STK32A: variants seen among roughly 807,000 people sequenced by gnomAD.
The protein encoded by STK32A is serine/threonine kinase 32A, also known as serine/threonine-protein kinase 32A.
A neutral mutation model predicts 53.2 loss-of-function variants in STK32A; 41 were observed. The observed-to-expected ratio is 0.77, with a 90% CI of 0.60 to 1.00. The LOEUF (loss-of-function observed/expected upper bound fraction) is 1.00, where lower values mean the gene tolerates loss of function less well. Among genes scored for constraint, STK32A ranks in the 50% least tolerant of loss-of-function variants. STK32A has a pLI of 0.00. For missense variants in STK32A, 458 were observed against 485.8 expected (o/e 0.94, Z 0.54); for synonymous variants, 166 against 162.8 (o/e 1.02, Z -0.15).
chr5:147,331,368 C>T (rs768847120), intron 5 of STK32A, among the ~76,000 whole-genome samples: 4 of 152,054 alleles, frequency 2.6e-5, no homozygotes, highest in Non-Finnish European at 4.4e-5. Flanking sequence ...AAGCAACTTG[C>T]CAATATACAG....
At chr5:147,375,276 C>G (rs10515585) in intron 11 of STK32A, 58 bp downstream of exon 11, 373,799 of 1,566,342 alleles carry the variant, frequency 0.24, 49,322 homozygotes, top group East Asian at 0.57. Context: ...GCTGCAATAT[C>G]TTCGAGAGCT....
chr5:147,392,271 T>C (rs1414173131), downstream of STK32A: 2 of 152,326 alleles, frequency 1.3e-5, no homozygotes, highest in South Asian at 2.1e-4. Flanking sequence ...TTCCCTATTC[T>C]AAGGGGAAAT....
At chr5:147,346,384 A>G (rs1561736918) in intron 6 of STK32A, among the ~76,000 whole-genome samples, 1 of 152,196 alleles carries the variant, frequency 6.6e-6, no homozygotes. Flanking sequence ...CCTACAAGTG[A>G]GCTGTGTATC....
chr5:147,243,608 G>C (rs1753665105), intron 2 of STK32A, among the ~76,000 whole-genome samples: 1 of 152,104 alleles, frequency 6.6e-6, no homozygotes, highest in Non-Finnish European at 1.5e-5. Context: ...GGGCATGCCA[G>C]TGTGCGCCTG....
chr5:147,343,738 T>C (rs1755553025), intron 6 of STK32A, among the ~76,000 whole-genome samples: 1 of 152,244 alleles, frequency 6.6e-6, no homozygotes, highest in Non-Finnish European at 1.5e-5. Context: ...TTGTCTATGC[T>C]GGCACATAAC....
chr5:147,243,684 T>C (rs1753668014), intron 2 of STK32A, among the ~76,000 whole-genome samples: 1 of 147,570 alleles, frequency 6.8e-6, no homozygotes, highest in African/African-American at 2.5e-5. Flanking sequence ...AAGTTTGCAG[T>C]GAGCTGAGAT....
intron 8 of STK32A, among the ~76,000 whole-genome samples, chr5:147,362,573 T>C (rs1016035876): frequency 1.3e-5 from 2 of 152,196 alleles, no homozygotes; most frequent in African/African-American, 4.8e-5. Context: ...AAACATTCAG[T>C]CCATGACATT....
intron 8 of STK32A, among the ~76,000 whole-genome samples, chr5:147,369,363 C>G (rs1362817056): frequency 6.6e-6 from 1 of 152,110 alleles, no homozygotes; most frequent in Non-Finnish European, 1.5e-5. Context: ...ACTCATTTTG[C>G]TGTTCACTAT....
intron 2 of STK32A, among the ~76,000 whole-genome samples, chr5:147,240,924 G>T (rs1341440255): frequency 6.6e-6 from 1 of 152,200 alleles, no homozygotes; most frequent in African/African-American, 2.4e-5. Context: ...AAGGTGGAAA[G>T]TAGGAGAGGT....
intron 7 of STK32A, among the ~76,000 whole-genome samples, chr5:147,357,218 C>T (rs1354805757): frequency 6.6e-6 from 1 of 152,082 alleles, no homozygotes. Flanking sequence ...GATTTCTGTT[C>T]TGAAAATTCA....
chr5:147,281,583 C>T (rs1038232809), intron 4 of STK32A, among the ~76,000 whole-genome samples: 4 of 151,610 alleles, frequency 2.6e-5, no homozygotes, highest in African/African-American at 9.7e-5. Flanking sequence ...AAAATATAAA[C>T]AAAACTCCCA....
intron 9 of STK32A, 41 bp downstream of exon 9, chr5:147,370,811 G>A: frequency 1.5e-6 from 2 of 1,325,882 alleles, no homozygotes; most frequent in Non-Finnish European, 2.2e-6. Context: ...GTAACAAAAG[G>A]AAGCAGGCTC....
intron 10 of STK32A, 68 bp downstream of exon 10, chr5:147,373,362 A>G: frequency 4.4e-6 from 7 of 1,580,000 alleles, no homozygotes; most frequent in Non-Finnish European, 6.0e-6. Flanking sequence ...CCAGATTCAC[A>G]CATTGTCTCA....
intron 2 of STK32A, among the ~76,000 whole-genome samples, chr5:147,262,588 AAAAACAAAAC>A (rs1219943996): frequency 2.3e-5 from 2 of 85,114 alleles, no homozygotes; most frequent in Admixed American, 1.5e-4. Context: ...CAGATCAGGA[AAAAACAAAAC>A]AAAACAAAAA....
intron 4 of STK32A, among the ~76,000 whole-genome samples, chr5:147,287,749 C>G (rs920014828): frequency 6.6e-6 from 1 of 152,122 alleles, no homozygotes; most frequent in Non-Finnish European, 1.5e-5. Flanking sequence ...ATCAAATTGC[C>G]TTTCTTCCCC....
intron 4 of STK32A, among the ~76,000 whole-genome samples, chr5:147,319,309 A>AT (rs1369074951): frequency 6.6e-6 from 1 of 151,426 alleles, no homozygotes; most frequent in Non-Finnish European, 1.5e-5. Context: ...CCCCCGGCTA[A>AT]TTTTTTGTAT....
intron 6 of STK32A, among the ~76,000 whole-genome samples, chr5:147,347,879 A>G (rs930586625): frequency 1.3e-5 from 2 of 152,192 alleles, no homozygotes; most frequent in Non-Finnish European, 2.9e-5. Flanking sequence ...GCACTCTGTG[A>G]AGTTCTGCCT....
chr5:147,335,130 G>A (rs72831382), intron 5 of STK32A, among the ~76,000 whole-genome samples: 20,260 of 152,088 alleles, frequency 0.13, 1,565 homozygotes, highest in East Asian at 0.28. Context: ...ACAGTTGACT[G>A]TGGGTAAAAA....
chr5:147,281,119 G>A (rs1050066354), intron 4 of STK32A, among the ~76,000 whole-genome samples: 15 of 152,274 alleles, frequency 9.9e-5, no homozygotes, highest in Admixed American at 5.9e-4. Flanking sequence ...CCAGTGGGAC[G>A]AAAGAGTCTG....
Sources: allele counts gnomAD v4.1 joint callset (sites outside exome capture counted in the v4.1 genomes callset), GRCh38; gene constraint gnomAD v4.1.1; transcripts MANE v1.5; gene names NCBI Gene and HGNC (gene_info 2026-07-23, HGNC 2026-07-21).